CDH10: variants seen among roughly 807,000 people sequenced by gnomAD.
The protein encoded by CDH10 is cadherin 10.
Under a neutral mutation model 73.1 loss-of-function variants are expected in CDH10, and 30 were observed. The ratio of observed to expected loss-of-function variants is 0.41; its 90% CI spans 0.31 to 0.56. CDH10 has a LOEUF of 0.56. Among genes scored for constraint, CDH10 ranks in the 20% least tolerant of loss-of-function variants. The probability of loss-of-function intolerance (pLI) is 0.27; values close to 1 mark genes in which losing one functional copy is unlikely to be tolerated. For missense variants in CDH10, 815 were observed against 973.7 expected, an observed-to-expected ratio of 0.84 and a Z score of 2.17; for synonymous variants, 345 against 348.2, an observed-to-expected ratio of 0.99 and a Z score of 0.10.
intron 1 of CDH10, among the ~76,000 whole-genome samples, chr5:24,614,519 A>T (rs1747065789): frequency 1.3e-5 from 2 of 152,212 alleles, no homozygotes; most frequent in Non-Finnish European, 1.5e-5. Flanking sequence ...TATTTGAGGA[A>T]ATGACTAGCA....
chr5:24,510,349 GA>G (rs1279560334), intron 6 of CDH10, among the ~76,000 whole-genome samples: 2 of 152,018 alleles, frequency 1.3e-5, no homozygotes, highest in Non-Finnish European at 2.9e-5. Flanking sequence ...TCTGTAATAA[GA>G]AAAAATTTTG....
intron 8 of CDH10, 96 bp from the exon 9 acceptor site, chr5:24,498,615 C>A (rs1742378580): frequency 4.1e-6 from 3 of 735,552 alleles, no homozygotes; most frequent in Non-Finnish European, 7.0e-6. Flanking sequence ...TGCTCACATA[C>A]AAATAAGCAT....
rs1032055619 is a variant in CDH10, at chr5:24,496,305, A to G, written c.1515+2093T>C. The stretch of plus-strand genomic sequence containing the variant: ...AAAATGTATTTTATTTACTTAAAAT[A>G]TATTTTATTGACTCCAGGAGTAGGC... On this transcript the variant is annotated intron_variant, in intron 9 of 11. Transcript: ENST00000264463. Among the ~76,000 whole-genome samples the G allele has an allele frequency of 2.2e-4, 33 of 152,168 alleles. 1 individual carries two copies. The highest frequency in any genetic ancestry group is 8.0e-4 in the African/African-American group (33 of 41,440).
At chr5:24,527,294 T>C (rs11956328) in intron 5 of CDH10, among the ~76,000 whole-genome samples, 3 of 147,332 alleles carry the variant, frequency 2.0e-5, no homozygotes, top group Non-Finnish European at 3.0e-5. Flanking sequence ...TAGTCTTATA[T>C]ATATTTATAT....
intron 1 of CDH10, among the ~76,000 whole-genome samples, chr5:24,626,255 G>T (rs992043645): frequency 6.6e-6 from 1 of 152,078 alleles, no homozygotes; most frequent in African/African-American, 2.4e-5. Flanking sequence ...TAGGCTTGAA[G>T]TAAACTCTTG....
intron 1 of CDH10, among the ~76,000 whole-genome samples, chr5:24,616,237 G>A (rs1187982074): frequency 6.6e-6 from 1 of 152,056 alleles, no homozygotes; most frequent in Non-Finnish European, 1.5e-5. Context: ...CAAAGACAAA[G>A]TAATATTTAA....
rs760083492 is a variant in CDH10 at position 24,488,105 on chromosome 5, G to A, written c.1925C>T (p.Pro642Leu). Residue 642 changes from proline to leucine, a missense_variant, in exon 12 of 12, where the codon CCT (proline) becomes CTT (leucine). Pro to Leu is a moderately conservative substitution (Grantham distance 98, BLOSUM62 -3). Transcript: ENST00000264463. Reference protein sequence around the residue: ...AALKRQRKKEPLILSKEDIRD... With the variant: ...AALKRQRKKELLILSKEDIRD... The stretch of plus-strand genomic sequence containing the variant: ...GATATCTTCTTTTGACAAGATCAGA[G>A]GCTCTTTTTTTCGCTGTCTTTTCAG... 10 of 1,612,592 alleles carry A rather than the reference G, an allele frequency of 6.2e-6. No homozygotes were observed. Among genetic ancestry groups the A allele is most frequent in the Non-Finnish European group, 7.6e-6 (9 of 1,179,416 alleles).
chr5:24,637,416 A>G (rs1278926603), intron 1 of CDH10, among the ~76,000 whole-genome samples: 1 of 152,012 alleles, frequency 6.6e-6, no homozygotes, highest in East Asian at 1.9e-4. Flanking sequence ...ATCTAATTCT[A>G]CTACTATTTC....
chr5:24,531,860 A>G (rs894485610), intron 5 of CDH10, among the ~76,000 whole-genome samples: 1 of 152,104 alleles, frequency 6.6e-6, no homozygotes, highest in Non-Finnish European at 1.5e-5. Context: ...TGCCCCTCAT[A>G]TGACATCAAA....
chr5:24,512,571 T>C (rs1444725155), intron 5 of CDH10, among the ~76,000 whole-genome samples: 1 of 152,156 alleles, frequency 6.6e-6, no homozygotes, highest in African/African-American at 2.4e-5. Flanking sequence ...AAAAAATATA[T>C]AGATGCCCTT....
chr5:24,643,187 G>A (rs918245690), intron 1 of CDH10, among the ~76,000 whole-genome samples: 2 of 151,948 alleles, frequency 1.3e-5, no homozygotes, highest in African/African-American at 4.8e-5. Flanking sequence ...TCGGGGGAGC[G>A]GGGTGCAGAT....
intron 2 of CDH10, among the ~76,000 whole-genome samples, chr5:24,561,010 T>C (rs954130792): frequency 5.9e-5 from 9 of 152,136 alleles, no homozygotes; most frequent in African/African-American, 2.2e-4. Flanking sequence ...TTCCTCTTGT[T>C]AAAATAGGAA....
chr5:24,566,781 C>T lies in CDH10; in HGVS notation c.231+26479G>A, dbSNP rs560460711. ...CAATACAGAAGAATAACCTTATGAT[C>T]TTAAGGTAATAAAGGATTTGTTAGA... On this transcript the variant is annotated intron_variant, in intron 2 of 11. Transcript: ENST00000264463. Among the ~76,000 whole-genome samples the T allele has an allele frequency of 1.3e-4, 19 of 151,944 alleles. No individual in the cohort carries two copies. The South Asian group carries it at 3.3e-3, about 27-fold the overall frequency.
At chr5:24,527,176 A>C (rs1743562762) in intron 5 of CDH10, among the ~76,000 whole-genome samples, 1 of 149,722 alleles carries the variant, frequency 6.7e-6, no homozygotes, top group South Asian at 2.1e-4. Flanking sequence ...ATGTATAAGT[A>C]TATATAATCA....
chr5:24,580,389 G>A (rs1405819954), intron 2 of CDH10, among the ~76,000 whole-genome samples: 2 of 152,046 alleles, frequency 1.3e-5, no homozygotes, highest in Admixed American at 1.3e-4. Context: ...GTATCAACAT[G>A]TTTTCCATTC....
chr5:24,524,838 C>T (rs754095900), intron 5 of CDH10, among the ~76,000 whole-genome samples: 6 of 152,072 alleles, frequency 3.9e-5, no homozygotes, highest in Non-Finnish European at 8.8e-5. Flanking sequence ...GCACTTTCAT[C>T]CTGATACTGA....
At chr5:24,535,847 T>C in intron 3 of CDH10, 25 bp from the exon 4 acceptor site, 1 of 1,576,606 alleles carries the variant, frequency 6.3e-7, no homozygotes, top group Non-Finnish European at 8.7e-7. Flanking sequence ...TTCAGCTTAG[T>C]TCTGCACAGT....
At chr5:24,642,539 A>T (rs867439210) in intron 1 of CDH10, among the ~76,000 whole-genome samples, 1 of 152,158 alleles carries the variant, frequency 6.6e-6, no homozygotes, top group Non-Finnish European at 1.5e-5. Context: ...ACTCTAAATT[A>T]AAATCAGTTT....
chr5:24,594,461 T>C (rs1746305125), intron 1 of CDH10, among the ~76,000 whole-genome samples: 1 of 151,678 alleles, frequency 6.6e-6, no homozygotes, highest in Non-Finnish European at 1.5e-5. Context: ...ACTCCAGTGG[T>C]TTCTTATCCC....
Sources: gnomAD v4.1 joint callset for allele counts (sites outside exome capture counted in the v4.1 genomes callset) on GRCh38, gnomAD v4.1.1 for gene constraint, MANE v1.5 for transcripts, NCBI Gene and HGNC (gene_info 2026-07-23, HGNC 2026-07-21) for gene names.